Variants in CATSPERE observed in about 807,000 individuals in gnomAD.
The protein encoded by CATSPERE is catsper channel auxiliary subunit epsilon, also known as cation channel sperm-associated auxiliary subunit epsilon.
Under a neutral mutation model 114.1 loss-of-function variants are expected in CATSPERE, and 93 were observed. The ratio of observed to expected loss-of-function variants is 0.81; its 90% CI spans 0.69 to 0.97. CATSPERE has a LOEUF of 0.97. Ranked by LOEUF, CATSPERE falls within the 50% of genes least tolerant of loss-of-function variation. The pLI is 0.00. For missense variants in CATSPERE, 1,058 were observed against 1,131.6 expected (o/e 0.93, Z 0.93); for synonymous variants, 341 against 384.1 (o/e 0.89, Z 1.31).
intron 20 of CATSPERE, among the ~76,000 whole-genome samples, chr1:244,634,178 T>C (rs1356920784): frequency 6.6e-6 from 1 of 152,104 alleles, no homozygotes; most frequent in Non-Finnish European, 1.5e-5. Context: ...ATTTATAACA[T>C]AGTATCTTGT....
chr1:244,490,584 A>G (rs1300245337), intron 6 of CATSPERE, 113 bp downstream of exon 6: 4 of 707,642 alleles, frequency 5.7e-6, no homozygotes, highest in East Asian at 5.4e-5. Flanking sequence ...TTGCAATGAT[A>G]TTTGCTTAGA....
chr1:244,509,109 G>C (rs1675297663), intron 7 of CATSPERE, among the ~76,000 whole-genome samples: 1 of 151,704 alleles, frequency 6.6e-6, no homozygotes, highest in Non-Finnish European at 1.5e-5. Flanking sequence ...ATGTTGAATA[G>C]GAGTGGTAAA....
rs1403711464 is a variant in CATSPERE, at chr1:244,610,459, A to G, written c.2490+133A>G. ...AAATCAAATCCTATTTTTATATTAA[A>G]TTGTATCATGGTATTTTTAAAATGC... On this transcript the variant is annotated intron_variant, in intron 19 of 21. Transcript: ENST00000366534. The G allele has an allele frequency of 4.2e-6, 3 of 720,692 alleles. No individual in the cohort carries two copies. In the South Asian group the frequency reaches 4.6e-5, roughly 11 times the overall value. The allele number at this position is 720,692 out of a possible 1,614,324, so 44.6% of individuals were successfully genotyped here.
chr1:244,505,736 G>A (rs1674715534), intron 7 of CATSPERE, among the ~76,000 whole-genome samples: 2 of 152,172 alleles, frequency 1.3e-5, no homozygotes, highest in South Asian at 2.1e-4. Context: ...GCTGGGCGTG[G>A]TGGCTCATGC....
At chr1:244,609,162 G>C (rs1670390077) in intron 18 of CATSPERE, among the ~76,000 whole-genome samples, 1 of 151,672 alleles carries the variant, frequency 6.6e-6, no homozygotes, top group African/African-American at 2.4e-5. Context: ...CTCCAGCCTG[G>C]GCAACAGAGC....
In CATSPERE at chr1:244,521,926, C is replaced by T. The variant is rs555367816; in HGVS notation, c.536+3228C>T. Among the ~76,000 whole-genome samples the T allele has an allele frequency of 2.3e-4, 34 of 148,574 alleles. No individual in the cohort carries two copies. In the South Asian group the frequency reaches 6.3e-3, roughly 27 times the overall value. On this transcript the variant is annotated intron_variant, in intron 8 of 21. Transcript: ENST00000366534. ...GGTGAGACTGTCAACATTAGATCAA[C>T]GAGACAGAAAGTCAACAAGGATACC...
intron 5 of CATSPERE, among the ~76,000 whole-genome samples, chr1:244,482,942 A>T (rs990024491): frequency 2.0e-5 from 3 of 152,240 alleles, no homozygotes; most frequent in Non-Finnish European, 4.4e-5. Context: ...GAATCATATG[A>T]TAAGTATTCT....
chr1:244,565,594 C>A (rs1663320716), intron 10 of CATSPERE, among the ~76,000 whole-genome samples: 2 of 152,034 alleles, frequency 1.3e-5, no homozygotes, highest in Admixed American at 6.6e-5. Context: ...GTGATATCCC[C>A]TTTATCTTTT....
At chr1:244,491,216 G>A (rs945208797) in intron 6 of CATSPERE, among the ~76,000 whole-genome samples, 10 of 152,076 alleles carry the variant, frequency 6.6e-5, no homozygotes, top group African/African-American at 2.2e-4. Context: ...CTCAGCAAAT[G>A]TAAAAGAACA....
intron 8 of CATSPERE, among the ~76,000 whole-genome samples, chr1:244,519,999 A>G (rs901286420): frequency 6.6e-6 from 1 of 151,072 alleles, no homozygotes; most frequent in African/African-American, 2.5e-5. Context: ...GTAAGCCACC[A>G]TGACTAGCCC....
chr1:244,532,031 G>T (rs1248624062), intron 8 of CATSPERE, among the ~76,000 whole-genome samples: 1 of 152,148 alleles, frequency 6.6e-6, no homozygotes, highest in African/African-American at 2.4e-5. Context: ...TTAAATCTTA[G>T]ATTTCTTCAT....
At chr1:244,508,068 C>T (rs1270683969) in intron 7 of CATSPERE, among the ~76,000 whole-genome samples, 1 of 151,866 alleles carries the variant, frequency 6.6e-6, no homozygotes, top group Non-Finnish European at 1.5e-5. Flanking sequence ...GTAGTATGGT[C>T]GTTTTAACAA....
Position 244,543,857 on chromosome 1 carries a change from CA to C in CATSPERE, c.537-8463del, listed in dbSNP as rs150515875. On this transcript the variant is annotated intron_variant, in intron 8 of 21. Coordinates refer to ENST00000366534, the MANE Select transcript of CATSPERE (RefSeq NM_001130957.2). Reference sequence around the variant, plus strand: ...GTGAGGGGAGAAACATAGTGGGTCACAATGGAAGCAAGAGGTGTCATATGCT... The same window carrying C: ...GTGAGGGGAGAAACATAGTGGGTCACATGGAAGCAAGAGGTGTCATATGCT... Among the ~76,000 whole-genome samples, 722 of 151,846 alleles carry C rather than the reference CA, an allele frequency of 4.8e-3. 6 individuals are homozygous for C. The highest frequency in any genetic ancestry group is 0.017 in the African/African-American group (690 of 41,434).
intron 8 of CATSPERE, among the ~76,000 whole-genome samples, chr1:244,533,018 A>G (rs1679848866): frequency 6.6e-6 from 1 of 151,978 alleles, no homozygotes; most frequent in Non-Finnish European, 1.5e-5. Context: ...TATTTGCCTT[A>G]TATGTCTGGG....
At chr1:244,598,682 A>C in intron 17 of CATSPERE, 1 of 231,056 alleles carries the variant, frequency 4.3e-6, no homozygotes, top group Non-Finnish European at 9.3e-6. Context: ...TTTCAACATC[A>C]CCCATATTTA....
At chr1:244,466,015 A>G (rs112790293) in intron 2 of CATSPERE, among the ~76,000 whole-genome samples, 1,690 of 152,310 alleles carry the variant, frequency 0.011, 27 homozygotes, top group African/African-American at 0.037. Flanking sequence ...TTTATTGAAT[A>G]TGGTAAAAAA....
chr1:244,525,444 C>A (rs1026230159), intron 8 of CATSPERE, among the ~76,000 whole-genome samples: 2 of 151,796 alleles, frequency 1.3e-5, no homozygotes, highest in African/African-American at 2.4e-5. Context: ...ACATATGTAA[C>A]TAACCTGCAC....
intron 2 of CATSPERE, among the ~76,000 whole-genome samples, chr1:244,471,020 G>A (rs1213792279): frequency 3.3e-5 from 5 of 152,200 alleles, no homozygotes; most frequent in South Asian, 4.1e-4. Context: ...AGATAGGGCT[G>A]GGGTGGTAAC....
Position 244,595,658 on chromosome 1 carries a change from A to G in CATSPERE, c.2303+2080A>G, listed in dbSNP as rs564384032. Among the ~76,000 whole-genome samples the G allele has an allele frequency of 1.1e-4, 16 of 152,296 alleles. 1 individual carries two copies. The South Asian group carries it at 1.4e-3, about 14-fold the overall frequency. On this transcript the variant is annotated intron_variant, in intron 17 of 21. Transcript: ENST00000366534. The stretch of plus-strand genomic sequence containing the variant: ...ATCAAATATTTGCTTTAGGCTGGGC[A>G]CAGTGGCTCACGCCTGTAATCCCAG...
Sources: gnomAD v4.1 joint callset for allele counts (sites outside exome capture counted in the v4.1 genomes callset) on GRCh38, gnomAD v4.1.1 for gene constraint, MANE v1.5 for transcripts, NCBI Gene and HGNC (gene_info 2026-07-23, HGNC 2026-07-21) for gene names.